The following GALNT13 variants were observed in gnomAD, a reference collection of about 807,000 sequenced individuals.
GALNT13 encodes the protein UDP-GalNAc:polypeptide N-acetylgalactosaminyltransferase 13.
Under a neutral mutation model 64.2 loss-of-function variants are expected in GALNT13, and 28 were observed. The ratio of observed to expected loss-of-function variants is 0.44; its 90% CI spans 0.32 to 0.60. The LOEUF (loss-of-function observed/expected upper bound fraction) is 0.60, where lower values mean the gene tolerates loss of function less well. GALNT13 is among the 20% of genes least tolerant of loss of function. The pLI, the probability that GALNT13 is intolerant of heterozygous loss-of-function variation, is 0.05. For synonymous variants in GALNT13, 214 were observed against 224.6 expected, an observed-to-expected ratio of 0.95 and a Z score of 0.42; for missense variants, 577 against 669.8, an observed-to-expected ratio of 0.86 and a Z score of 1.53.
At position 154,115,970 on chromosome 2, in the gene GALNT13, C is replaced by T. The variant is rs140528849; in HGVS notation, c.143-24367C>T. On this transcript the variant is annotated intron_variant, in intron 3 of 12. Transcript: ENST00000392825. ...ACTCTGAACCTTACCTCTAGGAGCC[C>T]GCTGGGACTCTATTCTAGTTATAGG... 8.1e-3 allele frequency among the ~76,000 whole-genome samples: 1,238 copies of T among 152,182 alleles called. 14 individuals are homozygous for T. The highest frequency in any genetic ancestry group is 0.028 in the African/African-American group (1,149 of 41,520).
At chr2:153,943,880 C>T (rs1035691725) in intron 2 of GALNT13, among the ~76,000 whole-genome samples, 4 of 152,194 alleles carry the variant, frequency 2.6e-5, no homozygotes, top group Admixed American at 2.6e-4. Context: ...TGAGGTTTAG[C>T]TTTGGCATTT....
At chr2:153,295,508 C>A in the GALNT13 span, among the ~76,000 whole-genome samples, 1 of 141,248 alleles carries the variant, frequency 7.1e-6, no homozygotes, top group Admixed American at 7.2e-5. Context: ...TGCCTTGAAG[C>A]CTAAACATCT....
the GALNT13 span, among the ~76,000 whole-genome samples, chr2:153,793,435 A>G: frequency 6.6e-6 from 1 of 152,182 alleles, no homozygotes; most frequent in African/African-American, 2.4e-5. Flanking sequence ...TCTGAGCACA[A>G]TATTAGGTAC....
intron 8 of GALNT13, among the ~76,000 whole-genome samples, chr2:154,259,760 A>G (rs897360399): frequency 4.6e-5 from 7 of 152,220 alleles, no homozygotes; most frequent in Non-Finnish European, 8.8e-5. Context: ...AAAAATGAAC[A>G]CATAAGTTTT....
the GALNT13 span, among the ~76,000 whole-genome samples, chr2:153,139,316 T>C: frequency 6.6e-6 from 1 of 152,044 alleles, no homozygotes; most frequent in Non-Finnish European, 1.5e-5. Context: ...TTAGGAGTCT[T>C]TGAGCTCCTG....
the GALNT13 span, among the ~76,000 whole-genome samples, chr2:153,506,779 C>T: frequency 6.6e-6 from 1 of 152,082 alleles, no homozygotes; most frequent in Admixed American, 6.5e-5. Context: ...AGATTCTTTC[C>T]TTTGTCTTGA....
At chr2:153,899,911 A>G (rs1001293313) in intron 1 of GALNT13, among the ~76,000 whole-genome samples, 1 of 134,354 alleles carries the variant, frequency 7.4e-6, no homozygotes, top group African/African-American at 2.8e-5. Flanking sequence ...GAAGGGAGAT[A>G]TATACATATA....
chr2:154,358,682 T>A (rs1207142354), intron 9 of GALNT13, among the ~76,000 whole-genome samples: 1 of 152,084 alleles, frequency 6.6e-6, no homozygotes, highest in East Asian at 1.9e-4. Flanking sequence ...TCAAATTATA[T>A]CCTTATTTGC....
At chr2:154,411,345 C>G (rs1470067054) in intron 11 of GALNT13, among the ~76,000 whole-genome samples, 1 of 78,658 alleles carries the variant, frequency 1.3e-5, no homozygotes, top group South Asian at 3.9e-4. Flanking sequence ...CACACACACA[C>G]ACACACACAC....
the GALNT13 span, among the ~76,000 whole-genome samples, chr2:153,393,825 G>A: frequency 0.17 from 26,205 of 151,836 alleles, 2,386 homozygotes; most frequent in Non-Finnish European, 0.19. Flanking sequence ...CTCAAGATGC[G>A]ACATAGGCTC....
chr2:154,152,649 T>C (rs921258061), intron 4 of GALNT13, among the ~76,000 whole-genome samples: 5 of 152,192 alleles, frequency 3.3e-5, no homozygotes, highest in African/African-American at 4.8e-5. Flanking sequence ...CTTTTTTCTC[T>C]AAACTTCCCC....
intron 7 of GALNT13, 47 bp from the exon 8 acceptor site, chr2:154,258,974 C>T: frequency 1.0e-6 from 1 of 981,262 alleles, no homozygotes; most frequent in Non-Finnish European, 1.6e-6. Flanking sequence ...AAACTCCATA[C>T]ATTGTTTTCA....
At chr2:154,237,874 G>C (rs1256278482) in intron 4 of GALNT13, among the ~76,000 whole-genome samples, 2 of 151,866 alleles carry the variant, frequency 1.3e-5, no homozygotes, top group African/African-American at 4.8e-5. Flanking sequence ...TGTCTGAAGA[G>C]AACAAGATAT....
At chr2:154,393,683 TAAG>T (rs1383414920) in intron 9 of GALNT13, among the ~76,000 whole-genome samples, 3 of 152,188 alleles carry the variant, frequency 2.0e-5, no homozygotes, top group African/African-American at 7.2e-5. Context: ...GGTGGCAGGA[TAAG>T]AAGGCTTTTG....
At chr2:153,396,566 A>C in the GALNT13 span, among the ~76,000 whole-genome samples, 4 of 152,188 alleles carry the variant, frequency 2.6e-5, no homozygotes, top group African/African-American at 9.6e-5. Flanking sequence ...TAAAATAATC[A>C]GCATACATAA....
chr2:153,607,491 T>C, the GALNT13 span, among the ~76,000 whole-genome samples: 1 of 152,138 alleles, frequency 6.6e-6, no homozygotes, highest in African/African-American at 2.4e-5. Context: ...AACTCAAGTG[T>C]CAGTAAAGGG....
At chr2:153,663,623 A>G in the GALNT13 span, among the ~76,000 whole-genome samples, 2 of 152,184 alleles carry the variant, frequency 1.3e-5, no homozygotes, top group African/African-American at 4.8e-5. Flanking sequence ...CCCACTCCCA[A>G]AGAAAAATTT....
At chr2:153,612,233 G>A in the GALNT13 span, among the ~76,000 whole-genome samples, 4 of 152,252 alleles carry the variant, frequency 2.6e-5, no homozygotes, top group Admixed American at 6.5e-5. Flanking sequence ...GTTTTACACT[G>A]TTGATGGGGG....
At chr2:154,136,545 T>C (rs1682960578) in intron 3 of GALNT13, among the ~76,000 whole-genome samples, 1 of 152,150 alleles carries the variant, frequency 6.6e-6, no homozygotes, top group Non-Finnish European at 1.5e-5. Context: ...TAAATAGTGT[T>C]CTTTTTGGTA....
Sources: allele counts gnomAD v4.1 joint callset (sites outside exome capture counted in the v4.1 genomes callset), GRCh38; gene constraint gnomAD v4.1.1; transcripts MANE v1.5; gene names NCBI Gene and HGNC (gene_info 2026-07-23, HGNC 2026-07-21).